The following PCED1B variants were observed in gnomAD, a reference collection of about 807,000 sequenced individuals.
PCED1B encodes the protein PC-esterase domain-containing protein 1B.
For missense variants in PCED1B, 573 were observed against 573.9 expected, an observed-to-expected ratio of 1.00 and a Z score of 0.02; for synonymous variants, 251 against 246.1, an observed-to-expected ratio of 1.02 and a Z score of -0.19.
At chr12:47,117,039 G>A (rs1339192331) in intron 2 of PCED1B, among the ~76,000 whole-genome samples, 1 of 152,166 alleles carries the variant, frequency 6.6e-6, no homozygotes, top group Non-Finnish European at 1.5e-5. Flanking sequence ...TTGGGAGGCT[G>A]AGATGGGAGG....
chr12:47,142,480 T>C (rs567891768), intron 2 of PCED1B, among the ~76,000 whole-genome samples: 2 of 152,022 alleles, frequency 1.3e-5, no homozygotes, highest in South Asian at 2.1e-4. Flanking sequence ...CCCCCAAGAA[T>C]TGGATATCTA....
intron 1 of PCED1B, among the ~76,000 whole-genome samples, chr12:47,101,895 G>A (rs1301538306): frequency 2.6e-5 from 4 of 151,846 alleles, no homozygotes; most frequent in South Asian, 2.1e-4. Context: ...GCAGTGAGCC[G>A]AGATGGCACC....
chr12:47,158,353 G>A (rs1350475819), intron 2 of PCED1B, among the ~76,000 whole-genome samples: 1 of 152,116 alleles, frequency 6.6e-6, no homozygotes, highest in East Asian at 1.9e-4. Context: ...CATCCTAATG[G>A]GTGCGAGGTG....
chr12:47,121,321 T>C (rs1939670330), intron 2 of PCED1B, among the ~76,000 whole-genome samples: 2 of 152,140 alleles, frequency 1.3e-5, no homozygotes, highest in South Asian at 4.1e-4. Context: ...GGCTACAAAG[T>C]TATGAATCGT....
rs66480040 is a variant in PCED1B, at chr12:47,232,905, TTTTATTTA to T, written c.-57-2069_-57-2062del. 5.0e-3 allele frequency among the ~76,000 whole-genome samples: 722 copies of T among 144,308 alleles called. 2 individuals carry two copies. The highest frequency in any genetic ancestry group is 0.014 in the African/African-American group (571 of 39,690). The allele number at this position is 144,308 out of a possible 152,430, so 94.7% of individuals were successfully genotyped here. On this transcript the variant is annotated intron_variant, in intron 3 of 3. Coordinates refer to ENST00000546455, the MANE Select transcript of PCED1B (RefSeq NM_138371.3). ...TGTTGCCAAGATACAGACCTAGAAA[TTTTATTTA>T]TTTATTTATTTATTTATTTATTTAT...
chr12:47,200,573 C>T (rs1027194865), intron 2 of PCED1B, among the ~76,000 whole-genome samples: 4 of 152,168 alleles, frequency 2.6e-5, no homozygotes, highest in African/African-American at 4.8e-5. Flanking sequence ...ACATAGAATC[C>T]AGCAATCGTA....
intron 1 of PCED1B, among the ~76,000 whole-genome samples, chr12:47,090,176 C>G (rs923892061): frequency 1.3e-5 from 2 of 152,052 alleles, no homozygotes; most frequent in Non-Finnish European, 2.9e-5. Context: ...TTTATCAGCC[C>G]AATAACGGAG....
chr12:47,215,103 T>G (rs1190232843), intron 2 of PCED1B, among the ~76,000 whole-genome samples: 1 of 151,984 alleles, frequency 6.6e-6, no homozygotes, highest in African/African-American at 2.4e-5. Context: ...ATTTTCTCTC[T>G]CTCTTTTTTT....
intron 2 of PCED1B, among the ~76,000 whole-genome samples, chr12:47,189,953 C>T (rs1282209583): frequency 6.6e-6 from 1 of 152,182 alleles, no homozygotes; most frequent in Admixed American, 6.5e-5. Flanking sequence ...GCTCTTCCAG[C>T]CCTGCTCGGC....
At chr12:47,141,258 T>C (rs1473405776) in intron 2 of PCED1B, among the ~76,000 whole-genome samples, 2 of 152,086 alleles carry the variant, frequency 1.3e-5, no homozygotes, top group Admixed American at 6.5e-5. Flanking sequence ...TAGCCATCCA[T>C]GGACAAAAGT....
At chr12:47,180,412 T>C (rs899090089) in intron 2 of PCED1B, among the ~76,000 whole-genome samples, 4 of 152,212 alleles carry the variant, frequency 2.6e-5, no homozygotes, top group African/African-American at 9.7e-5. Flanking sequence ...GAGAGCTGGC[T>C]AGCCATGTGC....
At chr12:47,143,738 C>G (rs1940681483) in intron 2 of PCED1B, among the ~76,000 whole-genome samples, 1 of 152,130 alleles carries the variant, frequency 6.6e-6, no homozygotes, top group Non-Finnish European at 1.5e-5. Context: ...GTAAAATTTA[C>G]TTGTAAACAC....
intron 2 of PCED1B, among the ~76,000 whole-genome samples, chr12:47,163,648 C>T (rs545219993): frequency 6.6e-6 from 1 of 152,216 alleles, no homozygotes; most frequent in South Asian, 2.1e-4. Context: ...TTGTCAAATG[C>T]TTTTTCTATA....
intron 3 of PCED1B, among the ~76,000 whole-genome samples, chr12:47,227,482 G>A (rs1174574129): frequency 1.3e-5 from 2 of 151,972 alleles, no homozygotes; most frequent in Non-Finnish European, 2.9e-5. Flanking sequence ...CCCATTTCGG[G>A]TTCTAACTGG....
At chr12:47,106,977 A>G (rs187280178) in intron 2 of PCED1B, among the ~76,000 whole-genome samples, 54 of 152,250 alleles carry the variant, frequency 3.5e-4, no homozygotes, top group African/African-American at 1.0e-3. Flanking sequence ...GGATGCCCCA[A>G]TAATGGCAGA....
chr12:47,173,496 C>T (rs542507489), intron 2 of PCED1B, among the ~76,000 whole-genome samples: 1 of 152,302 alleles, frequency 6.6e-6, no homozygotes, highest in East Asian at 1.9e-4. Flanking sequence ...TCGTGATCTG[C>T]CCGCCTTAGC....
intron 1 of PCED1B, among the ~76,000 whole-genome samples, chr12:47,085,235 A>G (rs1258031901): frequency 6.6e-6 from 1 of 152,234 alleles, no homozygotes; most frequent in Non-Finnish European, 1.5e-5. Flanking sequence ...AGTTCCTTTC[A>G]GCTTCAAAAA....
intron 2 of PCED1B, among the ~76,000 whole-genome samples, chr12:47,157,835 A>G (rs934499761): frequency 2.6e-5 from 4 of 152,194 alleles, no homozygotes; most frequent in African/African-American, 9.6e-5. Context: ...GACAACCAGT[A>G]TACCACTTTC....
intron 2 of PCED1B, among the ~76,000 whole-genome samples, chr12:47,128,594 C>G (rs1217459763): frequency 6.6e-6 from 1 of 152,160 alleles, no homozygotes; most frequent in Non-Finnish European, 1.5e-5. Context: ...TATAGATTGG[C>G]AAGCTGTCTA....
Sources: gnomAD v4.1 joint callset for allele counts (sites outside exome capture counted in the v4.1 genomes callset) on GRCh38, gnomAD v4.1.1 for gene constraint, MANE v1.5 for transcripts, NCBI Gene and HGNC (gene_info 2026-07-23, HGNC 2026-07-21) for gene names.